Variants in HIVEP1 observed in about 807,000 individuals in gnomAD.
HIVEP1 encodes zinc finger protein 40.
In HIVEP1, 36 loss-of-function variants were observed where a neutral mutation model predicts 180.0. The ratio of observed to expected loss-of-function variants is 0.20; its 90% confidence interval spans 0.15 to 0.26. The LOEUF is 0.26. Ranked by LOEUF, HIVEP1 falls within the 10% of genes least tolerant of loss-of-function variation. The pLI, the probability that HIVEP1 is intolerant of heterozygous loss-of-function variation, is 1.00. For synonymous variants in HIVEP1, 1,239 were observed against 1,239.0 expected (o/e 1.00, Z 0.00); for missense variants, 3,143 against 3,268.7 (o/e 0.96, Z 0.94).
intron 2 of HIVEP1, among the ~76,000 whole-genome samples, chr6:12,069,787 T>A (rs1193554792): frequency 6.6e-6 from 1 of 151,986 alleles, no homozygotes; most frequent in African/African-American, 2.4e-5. Flanking sequence ...TAGCTTACTG[T>A]AACTTTATAA....
chr6:12,069,810 T>G (rs189763498), intron 2 of HIVEP1, among the ~76,000 whole-genome samples: 17 of 152,130 alleles, frequency 1.1e-4, no homozygotes, highest in Non-Finnish European at 2.4e-4. Flanking sequence ...TTTTAATTTT[T>G]AACTTTTTGA....
intron 7 of HIVEP1, among the ~76,000 whole-genome samples, chr6:12,137,627 G>A (rs1347989494): frequency 6.8e-6 from 1 of 147,834 alleles, no homozygotes; most frequent in East Asian, 2.0e-4. Context: ...TTTTTTTACA[G>A]TGTTTGTCAA....
At chr6:12,208,575 A>G in the HIVEP1 span, among the ~76,000 whole-genome samples, 1 of 152,182 alleles carries the variant, frequency 6.6e-6, no homozygotes, top group Non-Finnish European at 1.5e-5. Context: ...CCCAAACCCT[A>G]GTACTTCAGA....
intron 3 of HIVEP1, among the ~76,000 whole-genome samples, chr6:12,115,362 T>TA (rs1365780589): frequency 6.8e-6 from 1 of 146,970 alleles, no homozygotes; most frequent in African/African-American, 2.5e-5. Flanking sequence ...TTTTTTTTTT[T>TA]TTTTTTTTTT....
chr6:12,196,701 C>T, the HIVEP1 span, among the ~76,000 whole-genome samples: 11 of 152,152 alleles, frequency 7.2e-5, no homozygotes, highest in African/African-American at 2.7e-4. Context: ...TGACATATTG[C>T]CCCCGAAGAG....
chr6:12,048,213 G>A (rs1770264593), intron 2 of HIVEP1, among the ~76,000 whole-genome samples: 1 of 152,196 alleles, frequency 6.6e-6, no homozygotes, highest in African/African-American at 2.4e-5. Context: ...AGAGTAGGTG[G>A]GCCATGGTGA....
chr6:12,147,123 G>A (rs1306883279), intron 7 of HIVEP1, among the ~76,000 whole-genome samples: 2 of 152,094 alleles, frequency 1.3e-5, no homozygotes, highest in African/African-American at 4.8e-5. Context: ...AGTTCCACAG[G>A]GCCCAAGGCT....
At chr6:12,079,468 A>G (rs1772618974) in intron 2 of HIVEP1, among the ~76,000 whole-genome samples, 1 of 152,180 alleles carries the variant, frequency 6.6e-6, no homozygotes, top group African/African-American at 2.4e-5. Context: ...TATCTTCCTC[A>G]GTATCCACTA....
intron 7 of HIVEP1, among the ~76,000 whole-genome samples, chr6:12,149,579 A>G (rs1759575495): frequency 6.6e-6 from 1 of 152,232 alleles, no homozygotes; most frequent in Non-Finnish European, 1.5e-5. Flanking sequence ...CCGTCAGCTC[A>G]TAGCGTTCTG....
chr6:12,015,422 C>T, intron 1 of HIVEP1, 104 bp from the exon 2 acceptor site: 1 of 444,664 alleles, frequency 2.2e-6, no homozygotes. Flanking sequence ...AGCTTGGTTA[C>T]TTTTTCTTGA....
At position 12,163,472 on chromosome 6, in the gene HIVEP1, C is replaced by A; in HGVS notation, c.7168C>A (p.Gln2390Lys). The A allele has an allele frequency of 6.2e-7, 1 of 1,614,186 alleles. No individual in the cohort carries two copies. Among genetic ancestry groups the A allele is most frequent in the Non-Finnish European group, 8.5e-7 (1 of 1,180,026 alleles). ...LFSHLPLHSQQQSRTPYNMVP... is the reference protein window; with the variant it reads ...LFSHLPLHSQKQSRTPYNMVP... ...TAGCCACCTTCCTTTGCATTCCCAG[C>A]AGCAATCGAGGACACCTTATAATAT... The change falls in exon 9 of 9, where the codon CAG becomes AAG. Residue 2390 changes from glutamine to lysine, a missense_variant. Gln to Lys is a moderately conservative substitution (Grantham distance 53, BLOSUM62 1). This residue lies in a region of HIVEP1 where 595 missense variants were observed against 602.2 expected (regional missense o/e 0.99). Coordinates refer to ENST00000379388, the MANE Select transcript of HIVEP1 (RefSeq NM_002114.4).
Position 12,121,499 on chromosome 6 carries a change from C to G in HIVEP1, c.1704C>G (p.Val568=), listed in dbSNP as rs2113513629. 1 of 1,614,170 alleles carries G rather than the reference C, an allele frequency of 6.2e-7. No homozygotes were observed. Among genetic ancestry groups the G allele is most frequent in the African/African-American group, 1.3e-5 (1 of 75,040 alleles). The change falls in exon 4 of 9, where the codon GTC becomes GTG. Residue 568 remains valine, a synonymous_variant. Coordinates refer to ENST00000379388, the MANE Select transcript of HIVEP1 (RefSeq NM_002114.4). The surrounding 1 kb of genome is among the most constrained non-coding windows in gnomAD (Gnocchi z 5.3). ...TACCGAAAGTTGTGGTCCACCATGT[C>G]ACTGTGTCCCCCTTAAGAACTGACA... ...TELPKVVVHH[V]TVSPLRTDSP...
intron 3 of HIVEP1, among the ~76,000 whole-genome samples, chr6:12,095,453 G>A (rs968374646): frequency 2.0e-5 from 3 of 150,486 alleles, no homozygotes; most frequent in Non-Finnish European, 3.0e-5. Context: ...TTTCTATGCT[G>A]GTTTCTTCTC....
At position 12,083,978 on chromosome 6, in the gene HIVEP1, T is replaced by C. The variant is rs146423348; in HGVS notation, c.41-5206T>C. On this transcript the variant is annotated intron_variant, in intron 2 of 8. Coordinates refer to ENST00000379388, the MANE Select transcript of HIVEP1 (RefSeq NM_002114.4). ...TTTGGTATCTGAGGCATGCCAGCTG[T>C]ATGAAATACTGTAGAATGCCTTCTG... Among the ~76,000 whole-genome samples the C allele has an allele frequency of 8.2e-4, 125 of 152,300 alleles. 2 individuals carry two copies. In the East Asian group the frequency reaches 0.019, roughly 23 times the overall value.
intron 2 of HIVEP1, among the ~76,000 whole-genome samples, chr6:12,061,407 G>C (rs1243319836): frequency 6.6e-6 from 1 of 152,140 alleles, no homozygotes; most frequent in African/African-American, 2.4e-5. Flanking sequence ...TAATATGGTA[G>C]GTTAAACTGT....
chr6:12,030,646 A>T (rs147118128), intron 2 of HIVEP1, among the ~76,000 whole-genome samples: 1 of 152,262 alleles, frequency 6.6e-6, no homozygotes, highest in African/African-American at 2.4e-5. Context: ...AATAATTTCT[A>T]TCACTTTATT....
chr6:12,176,321 C>T, the HIVEP1 span, among the ~76,000 whole-genome samples: 1 of 151,498 alleles, frequency 6.6e-6, no homozygotes, highest in Non-Finnish European at 1.5e-5. Flanking sequence ...GAACGTCCAC[C>T]TGCAGATTCA....
intron 3 of HIVEP1, among the ~76,000 whole-genome samples, chr6:12,105,906 C>CT (rs1774395340): frequency 6.6e-6 from 1 of 151,938 alleles, no homozygotes; most frequent in African/African-American, 2.4e-5. Flanking sequence ...TCTGTTTCTA[C>CT]TTTATCATCC....
In HIVEP1 at chr6:12,121,926, G is replaced by A. The variant is rs779008986; in HGVS notation, c.2131G>A (p.Ala711Thr). Residue 711 changes from alanine (A) to threonine (T), a missense_variant, in exon 4 of 9, where the codon GCA (alanine) becomes ACA (threonine). Around this residue, in one of 12 missense-constraint regions of HIVEP1, gnomAD observed 365 missense variants for 344.4 expected, o/e 1.06. Coordinates refer to ENST00000379388, the MANE Select transcript of HIVEP1 (RefSeq NM_002114.4). This position sits in a 1 kb window ranked among gnomAD's most constrained non-coding sequence, Gnocchi z 5.3. Reference sequence around the variant, plus strand: ...CTCTGGAAGGAGTAACGGACCCTCTGCAGCTCTTGTCACCACGTCAACACC... The same window carrying A: ...CTCTGGAAGGAGTAACGGACCCTCTACAGCTCTTGTCACCACGTCAACACC... ...QDSGRSNGPS[A>T]ALVTTSTPSA... 1.9e-6 allele frequency: 3 copies of A among 1,614,194 alleles called. No individual in the cohort carries two copies. Among genetic ancestry groups the A allele is most frequent in the South Asian group, 2.2e-5 (2 of 91,084 alleles).
Sources: allele counts gnomAD v4.1 joint callset (sites outside exome capture counted in the v4.1 genomes callset), GRCh38; gene constraint gnomAD v4.1.1; regional missense constraint gnomAD v4.1.1; non-coding constraint Gnocchi (gnomAD v3.1); transcripts MANE v1.5; gene names NCBI Gene and HGNC (gene_info 2026-07-23, HGNC 2026-07-21).